TEAD1: variants seen among roughly 807,000 people sequenced by gnomAD.
TEAD1 encodes transcriptional enhancer factor TEF-1.
Under a neutral mutation model 54.9 loss-of-function variants are expected in TEAD1, and 9 were observed. That is an observed-to-expected ratio of 0.16 (90% CI 0.10 to 0.29). The LOEUF (loss-of-function observed/expected upper bound fraction) is 0.29, where lower values mean the gene tolerates loss of function less well. Ranked by LOEUF, TEAD1 falls within the 10% of genes least tolerant of loss-of-function variation. The probability of loss-of-function intolerance (pLI) is 1.00; values close to 1 mark genes in which losing one functional copy is unlikely to be tolerated. For synonymous variants in TEAD1, 200 were observed against 187.8 expected (o/e 1.07, Z -0.53); for missense variants, 387 against 535.9 (o/e 0.72, Z 2.74).
Position 12,944,292 on chromosome 11 carries a change from C to G in TEAD1, c.*7070C>G, listed in dbSNP as rs1045796693. ...TTCTTAACCTATTTGCAGAAACTTT[C>G]AAAAGGCATTTGATTAAACCTCTTG... On this transcript the variant is annotated 3_prime_UTR_variant, in exon 13 of 13. Transcript: ENST00000527636. 6.6e-6 allele frequency: 1 copy of G among 152,574 alleles called. No individual in the cohort carries two copies. The highest frequency in any genetic ancestry group is 1.5e-5 in the Non-Finnish European group (1 of 68,032). 9.5% of individuals were successfully genotyped at this position (152,574 alleles called of 1,614,324 possible). A position where few individuals can be genotyped will look rare whatever the true frequency, so the allele number is the denominator to read the frequency against.
intron 2 of TEAD1, among the ~76,000 whole-genome samples, chr11:12,692,615 C>G (rs182574014): frequency 6.6e-6 from 1 of 152,212 alleles, no homozygotes; most frequent in Admixed American, 6.5e-5. Flanking sequence ...CGCTTTCCTC[C>G]GTGGGCACTG....
At chr11:12,772,018 G>C (rs1388641076) in intron 3 of TEAD1, among the ~76,000 whole-genome samples, 1 of 152,224 alleles carries the variant, frequency 6.6e-6, no homozygotes, top group Non-Finnish European at 1.5e-5. Flanking sequence ...TGATCAGCCA[G>C]GTTTGAGAGC....
At chr11:12,740,662 A>G (rs1318805628) in intron 2 of TEAD1, among the ~76,000 whole-genome samples, 3 of 152,164 alleles carry the variant, frequency 2.0e-5, no homozygotes, top group Non-Finnish European at 4.4e-5. Context: ...AGCCCCTTAT[A>G]AAACCATCAG....
In TEAD1 at chr11:12,804,373, C is replaced by T. The variant is rs1032234864; in HGVS notation, c.202+39939C>T. On this transcript the variant is annotated intron_variant, in intron 3 of 12. Transcript: ENST00000527636. ...AGAACGAGCCACCCCAGGCTAGCTTCGCTTCTTTCTCTGAAAACCTTATTA... is the reference window on the plus strand; with the variant it reads ...AGAACGAGCCACCCCAGGCTAGCTTTGCTTCTTTCTCTGAAAACCTTATTA... Among the ~76,000 whole-genome samples the T allele has an allele frequency of 1.6e-4, 24 of 152,210 alleles. 1 individual carries two copies. Among genetic ancestry groups the T allele is most frequent in the African/African-American group, 2.4e-4 (10 of 41,454 alleles).
chr11:12,684,136 G>A (rs1215806608), intron 2 of TEAD1, among the ~76,000 whole-genome samples: 2 of 152,072 alleles, frequency 1.3e-5, no homozygotes, highest in Non-Finnish European at 2.9e-5. Flanking sequence ...CTGGTCTCAG[G>A]CAAACAGATA....
intron 3 of TEAD1, among the ~76,000 whole-genome samples, chr11:12,806,314 C>T (rs1946170901): frequency 1.3e-5 from 2 of 152,206 alleles, no homozygotes; most frequent in Admixed American, 6.5e-5. Context: ...AACAGCTGTT[C>T]CCAGGCCACT....
rs1271060677 is a variant in TEAD1 at position 12,938,685 on chromosome 11, G to C, written c.*1463G>C. On this transcript the variant is annotated 3_prime_UTR_variant, in exon 13 of 13. Coordinates refer to ENST00000527636, the MANE Select transcript of TEAD1 (RefSeq NM_021961.6). ...CATTTGGGAGATTCTTTTGCCAGGAGAGATTCAACTTTCCAATCTAAGTAT... is the reference window on the plus strand; with the variant it reads ...CATTTGGGAGATTCTTTTGCCAGGACAGATTCAACTTTCCAATCTAAGTAT... 1 of 152,268 alleles carries C rather than the reference G, an allele frequency of 6.6e-6. No homozygotes were observed. The highest frequency in any genetic ancestry group is 6.5e-5 in the Admixed American group (1 of 15,286). The allele number at this position is 152,268 out of a possible 1,614,324, so 9.4% of individuals were successfully genotyped here.
intron 10 of TEAD1, among the ~76,000 whole-genome samples, chr11:12,916,520 T>G (rs1421670962): frequency 6.6e-6 from 1 of 152,222 alleles, no homozygotes; most frequent in Non-Finnish European, 1.5e-5. Flanking sequence ...TGTTAATGAC[T>G]GTGAATTTTA....
At chr11:12,741,042 C>A (rs1231968731) in intron 2 of TEAD1, among the ~76,000 whole-genome samples, 4 of 152,068 alleles carry the variant, frequency 2.6e-5, no homozygotes, top group African/African-American at 9.7e-5. Context: ...AGACAGAAAA[C>A]TGCAATATCA....
At chr11:12,675,067 C>G (rs1294770548) in intron 1 of TEAD1, among the ~76,000 whole-genome samples, 1 of 146,452 alleles carries the variant, frequency 6.8e-6, no homozygotes, top group East Asian at 2.0e-4. Flanking sequence ...AGTTGGGCCG[C>G]GCGCTGGGAG....
chr11:12,838,522 A>G (rs1164116378), intron 3 of TEAD1, among the ~76,000 whole-genome samples: 2 of 152,252 alleles, frequency 1.3e-5, no homozygotes, highest in Non-Finnish European at 2.9e-5. Flanking sequence ...TGTGTTTACT[A>G]AATGTTAATG....
intron 2 of TEAD1, among the ~76,000 whole-genome samples, chr11:12,743,752 T>C (rs2133895727): frequency 6.6e-6 from 1 of 152,328 alleles, no homozygotes. Context: ...GGGAGAAGGT[T>C]ACCCATGAAC....
chr11:12,776,020 G>C (rs929206645), intron 3 of TEAD1, among the ~76,000 whole-genome samples: 1 of 152,184 alleles, frequency 6.6e-6, no homozygotes, highest in Non-Finnish European at 1.5e-5. Flanking sequence ...TGGGCAGGGA[G>C]GGGTGCAGGG....
intron 10 of TEAD1, among the ~76,000 whole-genome samples, chr11:12,918,820 G>A (rs1467603808): frequency 6.6e-6 from 1 of 152,148 alleles, no homozygotes; most frequent in East Asian, 1.9e-4. Flanking sequence ...GAGGATGAAT[G>A]AACTATATAC....
intron 9 of TEAD1, among the ~76,000 whole-genome samples, chr11:12,885,235 T>G (rs1353105361): frequency 1.0e-3 from 3 of 2,960 alleles, no homozygotes; most frequent in Non-Finnish European, 1.5e-3. Context: ...TTGAATTGTC[T>G]TTTTTTTTTT....
intron 3 of TEAD1, among the ~76,000 whole-genome samples, chr11:12,766,946 C>T (rs1298627399): frequency 6.6e-6 from 1 of 152,146 alleles, no homozygotes; most frequent in Non-Finnish European, 1.5e-5. Flanking sequence ...CTCCAGGCAG[C>T]TGCCTTGGGG....
intron 2 of TEAD1, among the ~76,000 whole-genome samples, chr11:12,694,205 C>T (rs1943527048): frequency 1.3e-5 from 2 of 152,148 alleles, no homozygotes; most frequent in African/African-American, 2.4e-5. Flanking sequence ...TGCAAGCCGA[C>T]ACTAGGCAGA....
At chr11:12,820,330 C>G (rs959385760) in intron 3 of TEAD1, among the ~76,000 whole-genome samples, 3 of 151,224 alleles carry the variant, frequency 2.0e-5, no homozygotes, top group Admixed American at 1.3e-4. Flanking sequence ...GCCATAGGCA[C>G]CTCCCACCCC....
At chr11:12,790,022 G>A (rs545832915) in intron 3 of TEAD1, among the ~76,000 whole-genome samples, 1 of 152,358 alleles carries the variant, frequency 6.6e-6, no homozygotes, top group African/African-American at 2.4e-5. Context: ...CTTAAGCAGT[G>A]GCAGCATGTA....
Sources: gnomAD v4.1 joint callset for allele counts (sites outside exome capture counted in the v4.1 genomes callset) on GRCh38, gnomAD v4.1.1 for gene constraint, MANE v1.5 for transcripts, NCBI Gene and HGNC (gene_info 2026-07-23, HGNC 2026-07-21) for gene names.